KLHL5: variants seen among roughly 807,000 people sequenced by gnomAD.
KLHL5 encodes kelch-like protein 5.
Under a neutral mutation model 77.7 loss-of-function variants are expected in KLHL5, and 48 were observed. That is an observed-to-expected ratio of 0.62 (90% CI 0.49 to 0.79). The LOEUF (loss-of-function observed/expected upper bound fraction) is 0.79. Among genes scored for constraint, KLHL5 ranks in the 30% least tolerant of loss-of-function variants. The pLI, the probability that KLHL5 is intolerant of heterozygous loss-of-function variation, is 0.00. For missense variants in KLHL5, 723 were observed against 859.7 expected, an observed-to-expected ratio of 0.84 and a Z score of 1.99; for synonymous variants, 260 against 297.0, an observed-to-expected ratio of 0.88 and a Z score of 1.28.
chr4:39,110,334 A>G (rs1009048880), intron 8 of KLHL5, among the ~76,000 whole-genome samples: 13 of 152,368 alleles, frequency 8.5e-5, no homozygotes, highest in Admixed American at 7.8e-4. Context: ...AAATGGTAAC[A>G]GTTATTTTAA....
intron 10 of KLHL5, chr4:39,120,016 T>C (rs1470561018): frequency 6.6e-6 from 1 of 152,220 alleles, no homozygotes; most frequent in Non-Finnish European, 1.5e-5. Context: ...GTCTGACCTG[T>C]TCTTAAAATC....
At chr4:39,052,130 A>G (rs1716698652) in intron 1 of KLHL5, among the ~76,000 whole-genome samples, 1 of 151,520 alleles carries the variant, frequency 6.6e-6, no homozygotes. Flanking sequence ...TATTGTTATT[A>G]TTATTTTTGA....
chr4:39,062,957 G>T lies in KLHL5; in HGVS notation c.305G>T (p.Gly102Val). Residue 102 changes from glycine to valine, a missense_variant, in exon 1 of 11, where the codon GGT becomes GTT. Physicochemically the swap from Gly to Val is moderately radical, Grantham distance 109 (BLOSUM62 -3). Around this residue, in one of 3 missense-constraint regions of KLHL5, gnomAD observed 221 missense variants for 222.1 expected, o/e 1.00. Transcript: ENST00000504108. ...GAGTTTACAGCAGAAGATTGTGGCGGTGCACATTGGCTGGATAGACCAGAA... is the reference window on the plus strand; with the variant it reads ...GAGTTTACAGCAGAAGATTGTGGCGTTGCACATTGGCTGGATAGACCAGAA... The part of the protein sequence containing the change: ...AFEFTAEDCG[G>V]AHWLDRPEVD... 1 of 1,614,158 alleles carries T rather than the reference G, an allele frequency of 6.2e-7. No individual in the cohort carries two copies. The highest frequency in any genetic ancestry group is 2.2e-5 in the East Asian group (1 of 44,890).
chr4:39,069,575 A>C (rs1718281718), intron 1 of KLHL5, among the ~76,000 whole-genome samples: 1 of 147,030 alleles, frequency 6.8e-6, no homozygotes, highest in Admixed American at 6.7e-5. Context: ...TATAAACCAT[A>C]GAGCCATCAG....
intron 1 of KLHL5, among the ~76,000 whole-genome samples, chr4:39,054,271 C>A (rs2711955): frequency 1.3e-5 from 2 of 151,980 alleles, no homozygotes; most frequent in African/African-American, 2.4e-5. Flanking sequence ...GCAAGAAGCA[C>A]TGTGGTGTAT....
intron 10 of KLHL5, among the ~76,000 whole-genome samples, chr4:39,117,071 G>A (rs1170129053): frequency 1.3e-5 from 2 of 152,052 alleles, no homozygotes; most frequent in Non-Finnish European, 2.9e-5. Context: ...TCCTGACCTC[G>A]TGATCCACCC....
At chr4:39,119,489 G>A (rs1171493847) in intron 10 of KLHL5, among the ~76,000 whole-genome samples, 2 of 152,200 alleles carry the variant, frequency 1.3e-5, no homozygotes, top group Admixed American at 6.5e-5. Context: ...AGGAGGCTGC[G>A]GCATGAGAAT....
chr4:39,054,323 A>T (rs1716867070), intron 1 of KLHL5, among the ~76,000 whole-genome samples: 1 of 152,266 alleles, frequency 6.6e-6, no homozygotes, highest in African/African-American at 2.4e-5. Flanking sequence ...GGACCCTGCC[A>T]CTCACCAGAT....
At chr4:39,127,531 A>C (rs572400931), downstream of KLHL5, among the ~76,000 whole-genome samples, 3 of 152,182 alleles carry the variant, frequency 2.0e-5, no homozygotes, top group Non-Finnish European at 4.4e-5. Context: ...CACTACGTCC[A>C]CAACTTCCTG....
intron 6 of KLHL5, among the ~76,000 whole-genome samples, chr4:39,101,877 TACACAC>T (rs57547974): frequency 1.8e-5 from 2 of 108,528 alleles, no homozygotes; most frequent in African/African-American, 6.6e-5. Flanking sequence ...TATATATATA[TACACAC>T]ACACACACAC....
In KLHL5 at chr4:39,115,308, C is replaced by A. The variant is rs763424308; in HGVS notation, c.2051C>A (p.Pro684His). 1 of 1,613,900 alleles carries A rather than the reference C, an allele frequency of 6.2e-7. No homozygotes were observed. The highest frequency in any genetic ancestry group is 1.7e-5 in the Admixed American group (1 of 59,992). The stretch of plus-strand genomic sequence containing the variant: ...CTTAATACTGTGGAGGCTTATGATC[C>A]CCAGACAAATGAGTGGACCCAGGTA... Reference protein sequence around the residue: ...AYLNTVEAYDPQTNEWTQVAP... With the variant: ...AYLNTVEAYDHQTNEWTQVAP... Residue 684 changes from proline to histidine, a missense_variant, in exon 10 of 11, where the codon CCC becomes CAC. By Grantham distance (77) the Pro-to-His change is moderately conservative (BLOSUM62 -2). Coordinates refer to ENST00000504108, the MANE Select transcript of KLHL5 (RefSeq NM_015990.5).
chr4:39,096,923 G>C (rs184858204), intron 6 of KLHL5, 45 bp downstream of exon 6: 1 of 1,500,030 alleles, frequency 6.7e-7, no homozygotes, highest in Non-Finnish European at 9.3e-7. Context: ...CAGAGAAAAA[G>C]ATATTTTAAT....
chr4:39,083,040 G>A (rs1302850429), intron 4 of KLHL5, among the ~76,000 whole-genome samples: 1 of 152,108 alleles, frequency 6.6e-6, no homozygotes, highest in Non-Finnish European at 1.5e-5. Flanking sequence ...ACATACATAT[G>A]TACAGTTATG....
intron 8 of KLHL5, among the ~76,000 whole-genome samples, chr4:39,109,627 C>CT (rs1229996805): frequency 5.6e-5 from 7 of 124,880 alleles, no homozygotes; most frequent in South Asian, 2.7e-4. Context: ...ATTTCTTTTT[C>CT]TTTTTTTTTC....
intron 9 of KLHL5, 118 bp from the exon 10 acceptor site, chr4:39,115,041 C>A: frequency 1.1e-6 from 1 of 877,358 alleles, no homozygotes; most frequent in South Asian, 1.7e-5. Flanking sequence ...AAAATATGTT[C>A]AAATGTATTT....
At chr4:39,115,369 T>G (rs780139735) in intron 10 of KLHL5, 39 bp downstream of exon 10, 2 of 1,611,128 alleles carry the variant, frequency 1.2e-6, no homozygotes, top group Admixed American at 3.4e-5. Context: ...TGACTCTCTT[T>G]TTATTAAAAC....
In KLHL5 at chr4:39,081,345, G is replaced by C; in HGVS notation, c.703+106G>C. The C allele has an allele frequency of 1.1e-6, 1 of 917,028 alleles. No homozygotes were observed. The highest frequency in any genetic ancestry group is 1.6e-6 in the Non-Finnish European group (1 of 631,856). 56.8% of individuals were successfully genotyped at this position (917,028 alleles called of 1,614,324 possible). A position where few individuals can be genotyped will look rare whatever the true frequency, so the allele number is the denominator to read the frequency against. On this transcript the variant is annotated intron_variant, in intron 3 of 10. Coordinates refer to ENST00000504108, the MANE Select transcript of KLHL5 (RefSeq NM_015990.5). This position sits in a 1 kb window ranked among gnomAD's most constrained non-coding sequence, Gnocchi z 4.3. ...CATGCCATAGCTAACAGTTAGTTCT[G>C]CTATTGTCATTACTACCCTTTGTAT...
At chr4:39,100,908 T>C (rs1240889320) in intron 6 of KLHL5, among the ~76,000 whole-genome samples, 1 of 152,064 alleles carries the variant, frequency 6.6e-6, no homozygotes, top group Non-Finnish European at 1.5e-5. Context: ...CGGTTGGTAG[T>C]CTGACCATTG....
intron 1 of KLHL5, among the ~76,000 whole-genome samples, chr4:39,047,632 T>C (rs759312993): frequency 9.9e-5 from 15 of 152,246 alleles, no homozygotes; most frequent in African/African-American, 1.7e-4. Context: ...TTCTTCATTG[T>C]TCTGCAAGTT....
Sources: gnomAD v4.1 joint callset for allele counts (sites outside exome capture counted in the v4.1 genomes callset) on GRCh38, gnomAD v4.1.1 for gene constraint, gnomAD v4.1.1 regional missense constraint, Gnocchi (gnomAD v3.1) non-coding constraint, MANE v1.5 for transcripts, NCBI Gene and HGNC (gene_info 2026-07-23, HGNC 2026-07-21) for gene names.